The following NMBR variants were observed in gnomAD, a reference collection of about 807,000 sequenced individuals.
The protein encoded by NMBR is neuromedin-B receptor.
NMBR carries 16 observed loss-of-function variants against 20.5 expected under a neutral mutation model. The ratio of observed to expected loss-of-function variants is 0.78; its 90% CI spans 0.53 to 1.19. The LOEUF (loss-of-function observed/expected upper bound fraction) is 1.19. Among genes scored for constraint, NMBR ranks in the 50% most tolerant of loss-of-function variants. The pLI, the probability that NMBR is intolerant of heterozygous loss-of-function variation, is 0.00. For missense variants in NMBR, 582 were observed against 499.1 expected (o/e 1.17, Z -1.58); for synonymous variants, 212 against 196.6 (o/e 1.08, Z -0.65).
intron 1 of NMBR, among the ~76,000 whole-genome samples, chr6:142,107,177 A>T (rs1360110945): frequency 6.6e-6 from 1 of 152,200 alleles, no homozygotes; most frequent in East Asian, 1.9e-4. Flanking sequence ...TATATTTTAT[A>T]AACACTATCT....
At chr6:142,112,864 ATGATAAT>A (rs1040362868) in intron 1 of NMBR, among the ~76,000 whole-genome samples, 4 of 128,640 alleles carry the variant, frequency 3.1e-5, no homozygotes, top group Non-Finnish European at 5.6e-5. Flanking sequence ...TTATATAAAT[ATGATAAT>A]TAATTTGATT....
chr6:142,107,869 A>C (rs914795391), intron 1 of NMBR, among the ~76,000 whole-genome samples: 16 of 24,246 alleles, frequency 6.6e-4, no homozygotes, highest in Non-Finnish European at 9.2e-4. Context: ...AGAGACTATC[A>C]AAAAAAAAGT....
chr6:142,135,563 T>A (rs907032213), intron 1 of NMBR, among the ~76,000 whole-genome samples: 3 of 151,748 alleles, frequency 2.0e-5, no homozygotes, highest in African/African-American at 7.3e-5. Flanking sequence ...GTTACATATG[T>A]ATACATGTGC....
At chr6:142,126,751 T>C (rs1031362559) in intron 1 of NMBR, among the ~76,000 whole-genome samples, 1 of 141,622 alleles carries the variant, frequency 7.1e-6, no homozygotes, top group African/African-American at 2.6e-5. Flanking sequence ...TCAGGTTATT[T>C]GAGGGATTTT....
rs183898705 is a variant in NMBR at position 142,097,974 on chromosome 6, T to C, written c.-663-8653A>G. Among the ~76,000 whole-genome samples, 4 of 151,974 alleles carry C rather than the reference T, an allele frequency of 2.6e-5. No homozygotes were observed. The East Asian group carries it at 7.7e-4, about 29-fold the overall frequency. On this transcript the variant is annotated intron_variant, in intron 1 of 3. Coordinates refer to ENST00000258042, the MANE Select transcript of NMBR (RefSeq NM_002511.4). ...AAGGTAAGGTAATTTCTCAATGTAG[T>C]AGTAGAAAGTATCCAAAACAAAATA... is the stretch of plus-strand genomic sequence containing the variant.
At chr6:142,139,093 A>C (rs1453199172) in intron 1 of NMBR, among the ~76,000 whole-genome samples, 1 of 152,144 alleles carries the variant, frequency 6.6e-6, no homozygotes, top group African/African-American at 2.4e-5. Context: ...GTGGTGACAC[A>C]AATTGCCACT....
rs778796160 is a variant in NMBR at position 142,075,942 on chromosome 6, A to G, written c.879T>C (p.Tyr293=). The G allele has an allele frequency of 3.1e-6, 5 of 1,613,918 alleles. No homozygotes were observed. In the African/African-American group the frequency reaches 4.0e-5, roughly 13 times the overall value. The change falls in exon 4 of 4, where the codon TAT becomes TAC. Residue 293 remains tyrosine, a synonymous_variant. Transcript: ENST00000258042. ...HILYMYRSFN[Y]NEIDPSLGHM... ...GGCCTAGAGATGGATCAATCTCATTATAGTTGAAAGACCGATACATGTAAA... is the reference window on the plus strand; with the variant it reads ...GGCCTAGAGATGGATCAATCTCATTGTAGTTGAAAGACCGATACATGTAAA...
At chr6:142,083,574 T>C (rs1038365202) in intron 2 of NMBR, among the ~76,000 whole-genome samples, 7 of 152,142 alleles carry the variant, frequency 4.6e-5, no homozygotes, top group Admixed American at 6.5e-5. Context: ...GAGAGGGACC[T>C]GATGGGAGGT....
At chr6:142,096,975 T>C (rs1189586496) in intron 1 of NMBR, among the ~76,000 whole-genome samples, 1 of 152,072 alleles carries the variant, frequency 6.6e-6, no homozygotes, top group Non-Finnish European at 1.5e-5. Context: ...GTCTGTTTTA[T>C]CAGAGACTAG....
intron 2 of NMBR, among the ~76,000 whole-genome samples, chr6:142,079,109 A>AGAGAGAGAGAGAAAGAAAG (rs1182841987): frequency 6.1e-5 from 3 of 48,916 alleles, no homozygotes; most frequent in African/African-American, 5.0e-4. Flanking sequence ...AGAGAGAGAA[A>AGAGAGAGAGAGAAAGAAAG]GAAAGAAAGA....
At chr6:142,104,170 AC>A (rs1242707727) in intron 1 of NMBR, among the ~76,000 whole-genome samples, 1 of 152,148 alleles carries the variant, frequency 6.6e-6, no homozygotes, top group Non-Finnish European at 1.5e-5. Context: ...GAGCCACCAC[AC>A]CCAGCATAAA....
chr6:142,101,953 C>G (rs1777572499), intron 1 of NMBR, among the ~76,000 whole-genome samples: 1 of 152,092 alleles, frequency 6.6e-6, no homozygotes, highest in South Asian at 2.1e-4. Flanking sequence ...ACATTTAAAA[C>G]TTTTAAGAGA....
chr6:142,100,778 A>G (rs773942479), intron 1 of NMBR, among the ~76,000 whole-genome samples: 1 of 152,196 alleles, frequency 6.6e-6, no homozygotes, highest in Non-Finnish European at 1.5e-5. Flanking sequence ...TGATAATGGG[A>G]GACTATGTAC....
intron 1 of NMBR, among the ~76,000 whole-genome samples, chr6:142,131,135 A>G (rs539225081): frequency 3.3e-5 from 5 of 152,174 alleles, no homozygotes; most frequent in Non-Finnish European, 5.9e-5. Flanking sequence ...CTAGATCAAG[A>G]GTAGCCACAT....
intron 1 of NMBR, among the ~76,000 whole-genome samples, chr6:142,118,437 TG>T (rs1489313914): frequency 6.6e-6 from 1 of 151,964 alleles, no homozygotes; most frequent in Non-Finnish European, 1.5e-5. Context: ...ACCTGTTAAT[TG>T]AAGAATCACA....
chr6:142,090,227 T>C (rs1427183164), intron 1 of NMBR, among the ~76,000 whole-genome samples: 1 of 152,150 alleles, frequency 6.6e-6, no homozygotes, highest in Non-Finnish European at 1.5e-5. Context: ...GGAAAACATT[T>C]GACTAGTTCT....
At chr6:142,080,559 G>A (rs4272230) in intron 2 of NMBR, among the ~76,000 whole-genome samples, 76,025 of 151,738 alleles carry the variant, frequency 0.5, 19,539 homozygotes, top group East Asian at 0.74. Flanking sequence ...GTGATCTGCC[G>A]ACCTCAGCCT....
chr6:142,102,163 C>T (rs531786417), intron 1 of NMBR, among the ~76,000 whole-genome samples: 78 of 151,944 alleles, frequency 5.1e-4, no homozygotes, highest in Middle Eastern at 3.4e-3. Flanking sequence ...CTGAGGCAGG[C>T]GGATCACGAG....
intron 1 of NMBR, among the ~76,000 whole-genome samples, chr6:142,105,564 C>A (rs763722380): frequency 8.5e-5 from 13 of 152,104 alleles, no homozygotes; most frequent in Non-Finnish European, 1.6e-4. Context: ...CAATTTGAAA[C>A]CTGTAACTTC....
Sources: allele counts gnomAD v4.1 joint callset (sites outside exome capture counted in the v4.1 genomes callset), GRCh38; gene constraint gnomAD v4.1.1; transcripts MANE v1.5; gene names NCBI Gene and HGNC (gene_info 2026-07-23, HGNC 2026-07-21).